Variants in ARHGAP26 observed in about 807,000 individuals in gnomAD.
ARHGAP26 encodes rho GTPase-activating protein 26.
In ARHGAP26, 38 loss-of-function variants were observed where a neutral mutation model predicts 104.8. The ratio of observed to expected loss-of-function variants is 0.36; its 90% CI spans 0.28 to 0.48. ARHGAP26 has a LOEUF of 0.48. Among genes scored for constraint, ARHGAP26 ranks in the 20% least tolerant of loss-of-function variants. The pLI is 0.99. For synonymous variants in ARHGAP26, 341 were observed against 340.0 expected, an observed-to-expected ratio of 1.00 and a Z score of -0.03; for missense variants, 704 against 947.9, an observed-to-expected ratio of 0.74 and a Z score of 3.38.
chr5:142,792,668 C>T (rs1760102151), intron 1 of ARHGAP26, among the ~76,000 whole-genome samples: 1 of 152,062 alleles, frequency 6.6e-6, no homozygotes. Flanking sequence ...TAGTTCATGA[C>T]CTAGAGACTG....
At chr5:143,108,070 C>G (rs764680013) in intron 17 of ARHGAP26, among the ~76,000 whole-genome samples, 1 of 152,196 alleles carries the variant, frequency 6.6e-6, no homozygotes, top group Non-Finnish European at 1.5e-5. Context: ...ATAAGAGGAA[C>G]TGTTGTATCC....
Position 142,878,367 on chromosome 5 carries a change from G to A in ARHGAP26, c.313-1007G>A, listed in dbSNP as rs550148553. Among the ~76,000 whole-genome samples the A allele has an allele frequency of 3.9e-5, 6 of 152,326 alleles. No homozygotes were observed. In the South Asian group the frequency reaches 1.2e-3, roughly 32 times the overall value. ...AAATTAGAGCCCAGAGAGGTTAAAT[G>A]TTTTGCCCATGGTCACACAGTTGGC... On this transcript the variant is annotated intron_variant, in intron 3 of 22. Coordinates refer to ENST00000645722, the MANE Select transcript of ARHGAP26 (RefSeq NM_001135608.3).
At chr5:143,028,289 G>A (rs990458023) in intron 12 of ARHGAP26, among the ~76,000 whole-genome samples, 5 of 152,182 alleles carry the variant, frequency 3.3e-5, no homozygotes, top group Admixed American at 6.5e-5. Context: ...ACCACTTAAC[G>A]TGAGTCTGGC....
intron 17 of ARHGAP26, among the ~76,000 whole-genome samples, chr5:143,113,829 C>T (rs951783582): frequency 6.6e-6 from 1 of 152,158 alleles, no homozygotes; most frequent in Non-Finnish European, 1.5e-5. Context: ...TTTTCCCCTA[C>T]GGTGACTTCA....
rs142316827 is a variant in ARHGAP26, at chr5:142,919,453, T to C, written c.1028+6160T>C. On this transcript the variant is annotated intron_variant, in intron 10 of 22. Transcript: ENST00000645722. Reference sequence around the variant, plus strand: ...ATTTCTGTTGATTAAGCCAGCCAGTTTGTGGCACTTTGTTACGGCAGCCCC... The same window carrying C: ...ATTTCTGTTGATTAAGCCAGCCAGTCTGTGGCACTTTGTTACGGCAGCCCC... The C allele has an allele frequency of 6.2e-3, 2,454 of 398,564 alleles. 5 individuals are homozygous for C. The highest frequency in any genetic ancestry group is 9.0e-3 in the Non-Finnish European group (2,031 of 226,102). The allele number at this position is 398,564 out of a possible 1,614,324, so 24.7% of individuals were successfully genotyped here. A position where few individuals can be genotyped will look rare whatever the true frequency, so the allele number is the denominator to read the frequency against.
chr5:142,940,250 G>A (rs1312547446), intron 11 of ARHGAP26, among the ~76,000 whole-genome samples: 2 of 152,144 alleles, frequency 1.3e-5, no homozygotes, highest in Non-Finnish European at 2.9e-5. Context: ...GAAGGTATGG[G>A]GTGAGCTTGC....
intron 11 of ARHGAP26, among the ~76,000 whole-genome samples, chr5:143,004,903 A>C (rs906666995): frequency 1.3e-5 from 2 of 152,212 alleles, no homozygotes; most frequent in Non-Finnish European, 2.9e-5. Context: ...GGGATGAGGA[A>C]TAGGTTCAAG....
At chr5:142,979,869 A>G (rs570193999) in intron 11 of ARHGAP26, among the ~76,000 whole-genome samples, 11 of 152,352 alleles carry the variant, frequency 7.2e-5, no homozygotes, top group South Asian at 2.1e-4. Flanking sequence ...CCTGCCTACT[A>G]TAAATCCCTG....
At chr5:142,948,392 C>T (rs1196790671) in intron 11 of ARHGAP26, among the ~76,000 whole-genome samples, 2 of 144,546 alleles carry the variant, frequency 1.4e-5, no homozygotes, top group East Asian at 2.2e-4. Context: ...TATGACTATA[C>T]GTACTTGTGT....
At chr5:143,124,408 A>G (rs577574948) in intron 18 of ARHGAP26, among the ~76,000 whole-genome samples, 1 of 152,330 alleles carries the variant, frequency 6.6e-6, no homozygotes, top group East Asian at 1.9e-4. Flanking sequence ...CAATTATTTT[A>G]TTACTCTCAA....
chr5:143,099,031 G>A (rs912546934), intron 17 of ARHGAP26, among the ~76,000 whole-genome samples: 2 of 152,138 alleles, frequency 1.3e-5, no homozygotes, highest in Admixed American at 1.3e-4. Flanking sequence ...CTGAAAAAAG[G>A]TCACAAAGTT....
Position 143,227,065 on chromosome 5 carries a change from C to T in ARHGAP26, c.*4619C>T, listed in dbSNP as rs1012838001. The T allele has an allele frequency of 4.3e-6, 1 of 230,530 alleles. No homozygotes were observed. The highest frequency in any genetic ancestry group is 2.2e-5 in the African/African-American group (1 of 45,162). The allele number at this position is 230,530 out of a possible 1,614,324, so 14.3% of individuals were successfully genotyped here. On this transcript the variant is annotated 3_prime_UTR_variant, in exon 23 of 23. Transcript: ENST00000645722. ...GACAGAAAGAAGAAGCCAAAGATAA[C>T]CTGATCCCTGCCTGTCTGTTGGCAC...
intron 14 of ARHGAP26, among the ~76,000 whole-genome samples, chr5:143,052,948 T>G (rs1785253014): frequency 6.6e-6 from 1 of 152,208 alleles, no homozygotes; most frequent in African/African-American, 2.4e-5. Context: ...GTGCATCATT[T>G]AGATCTCTTT....
chr5:143,195,351 C>T (rs1161664289), intron 20 of ARHGAP26, among the ~76,000 whole-genome samples: 1 of 152,182 alleles, frequency 6.6e-6, no homozygotes, highest in East Asian at 1.9e-4. Flanking sequence ...TGGGCCACTG[C>T]TGCTAATTTT....
intron 12 of ARHGAP26, among the ~76,000 whole-genome samples, chr5:143,022,979 C>T (rs971591610): frequency 9.8e-5 from 15 of 152,326 alleles, no homozygotes; most frequent in African/African-American, 3.6e-4. Context: ...GGGGCCATCC[C>T]ATATTCCTTC....
intron 17 of ARHGAP26, among the ~76,000 whole-genome samples, chr5:143,058,335 G>A (rs1737947929): frequency 6.6e-6 from 1 of 152,162 alleles, no homozygotes. Flanking sequence ...AAAGAATAAA[G>A]GAATTATTTT....
intron 20 of ARHGAP26, among the ~76,000 whole-genome samples, chr5:143,160,070 T>G (rs1242047527): frequency 6.6e-6 from 1 of 151,176 alleles, no homozygotes; most frequent in Non-Finnish European, 1.5e-5. Flanking sequence ...CTTTTTTTTT[T>G]TTTTTTTGAG....
At chr5:143,160,064 T>TC (rs968143686) in intron 20 of ARHGAP26, among the ~76,000 whole-genome samples, 2 of 150,260 alleles carry the variant, frequency 1.3e-5, no homozygotes, top group Admixed American at 6.6e-5. Context: ...ATTTTTCTTT[T>TC]TTTTTTTTTT....
Position 142,951,598 on chromosome 5 carries a change from C to T in ARHGAP26, c.1107+19473C>T, listed in dbSNP as rs115473737. ...ATTACTGTCAGGGTGGTAGTATGTC[C>T]GTCTTGAGGATCTTATCATCCTTTA... On this transcript the variant is annotated intron_variant, in intron 11 of 22. Coordinates refer to ENST00000645722, the MANE Select transcript of ARHGAP26 (RefSeq NM_001135608.3). 2.5e-3 allele frequency among the ~76,000 whole-genome samples: 376 copies of T among 152,156 alleles called. 1 individual carries two copies. Among genetic ancestry groups the T allele is most frequent in the African/African-American group, 8.6e-3 (355 of 41,512 alleles).
Sources: gnomAD v4.1 joint callset for allele counts (sites outside exome capture counted in the v4.1 genomes callset) on GRCh38, gnomAD v4.1.1 for gene constraint, MANE v1.5 for transcripts, NCBI Gene and HGNC (gene_info 2026-07-23, HGNC 2026-07-21) for gene names.